IQCJ: variants seen among roughly 807,000 people sequenced by gnomAD.
IQCJ encodes the protein IQ domain-containing protein J.
In IQCJ, 9 loss-of-function variants were observed where a neutral mutation model predicts 11.0. That is an observed-to-expected ratio of 0.82 (90% CI 0.49 to 1.43). The LOEUF is 1.43. IQCJ is among the 40% of genes most tolerant of loss of function. The pLI is 0.00. For missense variants in IQCJ, 146 were observed against 133.2 expected, an observed-to-expected ratio of 1.10 and a Z score of -0.47; for synonymous variants, 55 against 51.3, an observed-to-expected ratio of 1.07 and a Z score of -0.31.
At chr3:159,256,119 A>T (rs1235732814) in intron 3 of IQCJ, among the ~76,000 whole-genome samples, 1 of 152,192 alleles carries the variant, frequency 6.6e-6, no homozygotes, top group African/African-American at 2.4e-5. Context: ...AGATCTTCCT[A>T]ATACAAACCC....
At chr3:159,090,819 T>C (rs961358172) in intron 1 of IQCJ, among the ~76,000 whole-genome samples, 1 of 151,858 alleles carries the variant, frequency 6.6e-6, no homozygotes, top group African/African-American at 2.4e-5. Context: ...TTTCACAAAA[T>C]TAATCAATTG....
chr3:159,104,768 C>A (rs1718147636), intron 1 of IQCJ, among the ~76,000 whole-genome samples: 1 of 152,186 alleles, frequency 6.6e-6, no homozygotes, highest in Non-Finnish European at 1.5e-5. Context: ...TATTATACAT[C>A]CTTAGATTTC....
intron 1 of IQCJ, among the ~76,000 whole-genome samples, chr3:159,117,867 C>T (rs1026693196): frequency 7.9e-5 from 12 of 151,954 alleles, no homozygotes; most frequent in African/African-American, 2.7e-4. Context: ...ATAACTTACC[C>T]GGCATCAGGT....
intron 1 of IQCJ, among the ~76,000 whole-genome samples, chr3:159,193,801 G>A (rs764727438): frequency 1.3e-5 from 2 of 152,176 alleles, no homozygotes; most frequent in Admixed American, 6.5e-5. Flanking sequence ...CAGGCGGGAC[G>A]TTGGTCAGCA....
chr3:159,162,343 G>C (rs546598434), intron 1 of IQCJ, among the ~76,000 whole-genome samples: 25 of 152,196 alleles, frequency 1.6e-4, no homozygotes, highest in Middle Eastern at 3.4e-3. Context: ...GTCTGTTATT[G>C]GTGTATAAGA....
intron 1 of IQCJ, among the ~76,000 whole-genome samples, chr3:159,217,398 G>C (rs566295025): frequency 6.6e-6 from 1 of 152,238 alleles, no homozygotes. Flanking sequence ...TGTTGGTTGA[G>C]TGTTATCACA....
At chr3:159,186,460 T>C (rs938691154) in intron 1 of IQCJ, among the ~76,000 whole-genome samples, 3 of 152,208 alleles carry the variant, frequency 2.0e-5, no homozygotes, top group African/African-American at 7.2e-5. Flanking sequence ...AAGACAAGCA[T>C]TTCAAACACT....
chr3:159,138,863 G>A (rs900881307), intron 1 of IQCJ, among the ~76,000 whole-genome samples: 2 of 152,164 alleles, frequency 1.3e-5, no homozygotes, highest in African/African-American at 4.8e-5. Flanking sequence ...TATTTGTGGA[G>A]CTCTGTAATG....
intron 3 of IQCJ, among the ~76,000 whole-genome samples, chr3:159,259,487 T>A (rs1389188079): frequency 6.6e-6 from 1 of 152,156 alleles, no homozygotes; most frequent in Non-Finnish European, 1.5e-5. Context: ...ACAAGAATTA[T>A]GGTAAATCTA....
chr3:159,164,495 C>T (rs1361017238), intron 1 of IQCJ, among the ~76,000 whole-genome samples: 1 of 152,208 alleles, frequency 6.6e-6, no homozygotes, highest in East Asian at 1.9e-4. Context: ...TCTCCAGGCG[C>T]GGTGGCTAAC....
intron 1 of IQCJ, among the ~76,000 whole-genome samples, chr3:159,110,919 T>C (rs1282803774): frequency 6.6e-6 from 1 of 152,230 alleles, no homozygotes; most frequent in Non-Finnish European, 1.5e-5. Context: ...AAAGGGACTT[T>C]AGTGCAACAT....
chr3:159,245,549 C>G (rs1219497968), intron 1 of IQCJ, among the ~76,000 whole-genome samples: 1 of 150,958 alleles, frequency 6.6e-6, no homozygotes, highest in East Asian at 2.0e-4. Flanking sequence ...GCAAGCTCCG[C>G]CTCCTGGGTT....
rs373030886 is a variant in IQCJ at position 159,150,583 on chromosome 3, A to AACACACACAC, written c.9+81166_9+81175dup. On this transcript the variant is annotated intron_variant, in intron 1 of 3. Transcript: ENST00000397832. ...CAATAGCATATGTTGCATTGTCCCC[A>AACACACACAC]ACACACACACACACACACACACACA... Among the ~76,000 whole-genome samples the AACACACACAC allele has an allele frequency of 3.1e-3, 447 of 146,164 alleles. 2 individuals carry two copies. The highest frequency in any genetic ancestry group is 9.4e-3 in the African/African-American group (370 of 39,276).
chr3:159,198,389 G>A (rs1724119146), intron 1 of IQCJ, among the ~76,000 whole-genome samples: 1 of 152,104 alleles, frequency 6.6e-6, no homozygotes. Flanking sequence ...ATGGTTTTTA[G>A]AAATGTACCT....
chr3:159,223,906 G>A (rs78599041), intron 1 of IQCJ, among the ~76,000 whole-genome samples: 4,963 of 151,972 alleles, frequency 0.033, 247 homozygotes, highest in African/African-American at 0.11. Flanking sequence ...TTAGATGTGG[G>A]TCCCATCCCC....
At chr3:159,105,511 T>TG (rs892983090) in intron 1 of IQCJ, among the ~76,000 whole-genome samples, 2 of 152,030 alleles carry the variant, frequency 1.3e-5, no homozygotes, top group African/African-American at 4.8e-5. Flanking sequence ...TACACTCTCA[T>TG]GGGGGGAGAC....
At chr3:159,200,049 A>ATATATATATATATATATATATATATATAT (rs1560022977) in intron 1 of IQCJ, among the ~76,000 whole-genome samples, 2 of 102,684 alleles carry the variant, frequency 1.9e-5, no homozygotes, top group African/African-American at 9.4e-5. Flanking sequence ...TATATATATA[A>ATATATATATATATATATATATATATATAT]ATCTAAATTA....
intron 1 of IQCJ, among the ~76,000 whole-genome samples, chr3:159,203,390 A>G (rs985302325): frequency 6.6e-6 from 1 of 151,214 alleles, no homozygotes; most frequent in South Asian, 2.1e-4. Flanking sequence ...TGGGGGCTGG[A>G]TATTCTGGGT....
intron 1 of IQCJ, among the ~76,000 whole-genome samples, chr3:159,230,824 G>T (rs962960881): frequency 6.6e-6 from 1 of 152,118 alleles, no homozygotes; most frequent in African/African-American, 2.4e-5. Flanking sequence ...GGTAGTGTTT[G>T]TCAACTTCTC....
Sources: allele counts gnomAD v4.1 joint callset (sites outside exome capture counted in the v4.1 genomes callset), GRCh38; gene constraint gnomAD v4.1.1; transcripts MANE v1.5; gene names NCBI Gene and HGNC (gene_info 2026-07-23, HGNC 2026-07-21).